BMPR2: variants seen among roughly 807,000 people sequenced by gnomAD.
BMPR2 encodes the protein bone morphogenetic protein receptor type 2, also known as bone morphogenetic protein receptor type-2.
In BMPR2, 29 loss-of-function variants were observed where a neutral mutation model predicts 100.8. The observed-to-expected ratio is 0.29, with a 90% CI of 0.21 to 0.39. BMPR2 has a LOEUF of 0.39. BMPR2 is among the 10% of genes least tolerant of loss of function. The probability of loss-of-function intolerance (pLI) is 1.00; values close to 1 mark genes in which losing one functional copy is unlikely to be tolerated. For missense variants in BMPR2, 1,011 were observed against 1,274.5 expected (o/e 0.79, Z 3.15); for synonymous variants, 382 against 442.3 (o/e 0.86, Z 1.71).
chr2:202,447,108 C>A (rs952271158), intron 1 of BMPR2, among the ~76,000 whole-genome samples: 3 of 148,816 alleles, frequency 2.0e-5, no homozygotes, highest in African/African-American at 7.7e-5. Context: ...GAGTTTGAGA[C>A]CAGCCTGGCC....
At position 202,548,445 on chromosome 2, in the gene BMPR2, A is replaced by G. The variant is rs1688414872; in HGVS notation, c.1414-4271A>G. 1.3e-5 allele frequency among the ~76,000 whole-genome samples: 2 copies of G among 152,100 alleles called. 1 individual carries two copies. The highest frequency in any genetic ancestry group is 4.1e-4 in the South Asian group (2 of 4,828). The stretch of plus-strand genomic sequence containing the variant: ...ACCACTGCAGTCCAGCCTGGGCAAC[A>G]TAGTGAGACCCCATCTCAAAAAAAA... On this transcript the variant is annotated intron_variant, in intron 10 of 12. Transcript: ENST00000374580.
chr2:202,426,861 A>G (rs1308681100), intron 1 of BMPR2, among the ~76,000 whole-genome samples: 1 of 152,196 alleles, frequency 6.6e-6, no homozygotes, highest in African/African-American at 2.4e-5. Context: ...TAGCCTGGGT[A>G]CCAAGTTAGA....
chr2:202,560,071 G>T lies in BMPR2; in HGVS notation c.*125G>T. The T allele has an allele frequency of 8.3e-7, 1 of 1,206,666 alleles. No homozygotes were observed. The highest frequency in any genetic ancestry group is 1.4e-5 in the South Asian group (1 of 69,782). 74.7% of individuals were successfully genotyped at this position (1,206,666 alleles called of 1,614,324 possible). A position where few individuals can be genotyped will look rare whatever the true frequency, so the allele number is the denominator to read the frequency against. On this transcript the variant is annotated 3_prime_UTR_variant, in exon 13 of 13. Coordinates refer to ENST00000374580, the MANE Select transcript of BMPR2 (RefSeq NM_001204.7). ...CACCCCCTCCCACCCCTGCAACAAA[G>T]ACTTGCTTTAAATAGATTTCAGCTA...
At chr2:202,472,612 T>C (rs527560472) in intron 3 of BMPR2, among the ~76,000 whole-genome samples, 1 of 152,278 alleles carries the variant, frequency 6.6e-6, no homozygotes, top group East Asian at 1.9e-4. Flanking sequence ...TGAGCCGAGA[T>C]TGCACCACTG....
chr2:202,389,475 C>T (rs554328738), intron 1 of BMPR2, among the ~76,000 whole-genome samples: 10 of 136,506 alleles, frequency 7.3e-5, no homozygotes, highest in East Asian at 2.3e-4. Context: ...TGCAGTGAGA[C>T]GAGATTGCGC....
intron 3 of BMPR2, among the ~76,000 whole-genome samples, chr2:202,475,491 TATTA>T (rs1480324945): frequency 8.5e-5 from 13 of 152,206 alleles, no homozygotes; most frequent in Admixed American, 2.0e-4. Context: ...TTTAGGAAAA[TATTA>T]ATTCTTTAAT....
chr2:202,421,699 G>A (rs7586383), intron 1 of BMPR2, among the ~76,000 whole-genome samples: 17,930 of 147,748 alleles, frequency 0.12, 1,160 homozygotes, highest in Admixed American at 0.14. Flanking sequence ...GACTTTAACT[G>A]TAGACTAGAA....
intron 7 of BMPR2, chr2:202,520,472 A>G (rs1383911342): frequency 2.0e-6 from 1 of 489,294 alleles, no homozygotes; most frequent in African/African-American, 1.9e-5. Context: ...CCCAGCAGAG[A>G]AAGTAGTGGT....
At chr2:202,487,369 A>C (rs577250815) in intron 3 of BMPR2, among the ~76,000 whole-genome samples, 44 of 152,368 alleles carry the variant, frequency 2.9e-4, no homozygotes, top group South Asian at 6.2e-4. Flanking sequence ...AGATTCATAC[A>C]TCAGAGTTAA....
chr2:202,402,190 T>G (rs1379824725), intron 1 of BMPR2, among the ~76,000 whole-genome samples: 1 of 152,162 alleles, frequency 6.6e-6, no homozygotes, highest in African/African-American at 2.4e-5. Context: ...TTTATGTATT[T>G]ATTGTGTCAA....
intron 3 of BMPR2, among the ~76,000 whole-genome samples, chr2:202,500,922 C>T (rs986854980): frequency 3.3e-5 from 5 of 152,194 alleles, no homozygotes; most frequent in Non-Finnish European, 7.3e-5. Flanking sequence ...TCCCAACTTA[C>T]ATGGATGGTC....
intron 3 of BMPR2, among the ~76,000 whole-genome samples, chr2:202,471,477 A>G (rs1029171899): frequency 1.3e-5 from 2 of 152,224 alleles, no homozygotes; most frequent in African/African-American, 2.4e-5. Flanking sequence ...ATTATTAAAG[A>G]AGGACACATG....
At chr2:202,550,563 A>G (rs1337768778) in intron 10 of BMPR2, among the ~76,000 whole-genome samples, 2 of 152,034 alleles carry the variant, frequency 1.3e-5, no homozygotes, top group Admixed American at 6.5e-5. Context: ...TAAATAAGAA[A>G]AAAGGAGGAG....
At chr2:202,507,555 A>G (rs1032111387) in intron 3 of BMPR2, among the ~76,000 whole-genome samples, 2 of 151,472 alleles carry the variant, frequency 1.3e-5, no homozygotes, top group African/African-American at 2.4e-5. Flanking sequence ...ACACCCAGCT[A>G]ATTTTTTATT....
At chr2:202,392,523 G>C (rs551226046) in intron 1 of BMPR2, among the ~76,000 whole-genome samples, 1 of 152,304 alleles carries the variant, frequency 6.6e-6, no homozygotes, top group South Asian at 2.1e-4. Context: ...TACTTCTGCG[G>C]ACATGTCACA....
chr2:202,489,910 G>A lies in BMPR2; in HGVS notation c.418+22221G>A, dbSNP rs1692866838. On this transcript the variant is annotated intron_variant, in intron 3 of 12. Coordinates refer to ENST00000374580, the MANE Select transcript of BMPR2 (RefSeq NM_001204.7). ...CATCAGCAAGCCACCCCTAAGCTCA[G>A]TGGCTTTAACAACAAGCATTTATTC... Among the ~76,000 whole-genome samples, 4 of 152,298 alleles carry A rather than the reference G, an allele frequency of 2.6e-5. No individual in the cohort carries two copies. In the South Asian group the frequency reaches 8.3e-4, roughly 32 times the overall value.
chr2:202,465,569 T>C (rs971793161), intron 2 of BMPR2, among the ~76,000 whole-genome samples: 6 of 151,858 alleles, frequency 4.0e-5, no homozygotes, highest in Non-Finnish European at 7.4e-5. Flanking sequence ...TTTAAAAATA[T>C]TTTTACTGGC....
intron 1 of BMPR2, among the ~76,000 whole-genome samples, chr2:202,409,087 G>C (rs1690958175): frequency 6.6e-6 from 1 of 152,214 alleles, no homozygotes; most frequent in South Asian, 2.1e-4. Flanking sequence ...GCTCACGCCT[G>C]TAATTCCAAC....
Position 202,564,565 on chromosome 2 carries a change from A to G in BMPR2, c.*4619A>G, listed in dbSNP as rs1688726930. 1 of 152,232 alleles carries G rather than the reference A, an allele frequency of 6.6e-6. No individual in the cohort carries two copies. Among genetic ancestry groups the G allele is most frequent in the South Asian group, 2.1e-4 (1 of 4,834 alleles). The allele number at this position is 152,232 out of a possible 1,614,324, so 9.4% of individuals were successfully genotyped here. A position where few individuals can be genotyped will look rare whatever the true frequency, so the allele number is the denominator to read the frequency against. ...ATTATGAACTGTGCAAACTTTACCC[A>G]AAACTATCTTGCATGATTCCCTCCT... On this transcript the variant is annotated 3_prime_UTR_variant, in exon 13 of 13. Coordinates refer to ENST00000374580, the MANE Select transcript of BMPR2 (RefSeq NM_001204.7).
Sources: allele counts gnomAD v4.1 joint callset (sites outside exome capture counted in the v4.1 genomes callset), GRCh38; gene constraint gnomAD v4.1.1; transcripts MANE v1.5; gene names NCBI Gene and HGNC (gene_info 2026-07-23, HGNC 2026-07-21).